Variants in TENM4 observed in about 807,000 individuals in gnomAD.
The protein encoded by TENM4 is teneurin transmembrane protein 4.
In TENM4, 82 loss-of-function variants were observed where a neutral mutation model predicts 243.3. That is an observed-to-expected ratio of 0.34 (90% confidence interval 0.28 to 0.40). TENM4 has a LOEUF of 0.40. Among genes scored for constraint, TENM4 ranks in the 10% least tolerant of loss-of-function variants. TENM4 has a pLI of 1.00. For missense variants in TENM4, 3,138 were observed against 3,673.3 expected (o/e 0.85, Z 3.77); for synonymous variants, 1,412 against 1,456.3 (o/e 0.97, Z 0.69).
intron 3 of TENM4, among the ~76,000 whole-genome samples, chr11:79,161,127 C>T (rs377238147): frequency 5.3e-4 from 81 of 152,260 alleles, no homozygotes; most frequent in Middle Eastern, 6.8e-3. Flanking sequence ...CATCTCTATC[C>T]CCCTGGCTGA....
At chr11:79,425,026 T>C (rs981084100) in intron 1 of TENM4, among the ~76,000 whole-genome samples, 2 of 152,216 alleles carry the variant, frequency 1.3e-5, no homozygotes, top group Non-Finnish European at 2.9e-5. Context: ...AGTCTGACTC[T>C]TCAGCTGATA....
Position 78,943,846 on chromosome 11 carries a change from A to C in TENM4, c.494-40323T>G, listed in dbSNP as rs138521357. Among the ~76,000 whole-genome samples the C allele has an allele frequency of 2.6e-3, 391 of 152,324 alleles. 7 individuals are homozygous for C. Among genetic ancestry groups the C allele is most frequent in the Non-Finnish European group, 5.4e-4 (37 of 68,016 alleles). ...CTTAAAATGCTTCTATTTATTAAAG[A>C]TTCTATTTACCATGTATTTTAGTAA... is the stretch of plus-strand genomic sequence containing the variant. On this transcript the variant is annotated intron_variant, in intron 6 of 33. Transcript: ENST00000278550.
chr11:79,241,451 G>A (rs1057081721), intron 2 of TENM4, among the ~76,000 whole-genome samples: 1 of 152,090 alleles, frequency 6.6e-6, no homozygotes, highest in African/African-American at 2.4e-5. Context: ...TCGTCACTCT[G>A]AAGTTGGAGG....
intron 6 of TENM4, among the ~76,000 whole-genome samples, chr11:79,002,351 G>T (rs1364044710): frequency 6.6e-6 from 1 of 152,246 alleles, no homozygotes; most frequent in Non-Finnish European, 1.5e-5. Context: ...ATGTGCAAGT[G>T]AAATGGATCC....
intron 9 of TENM4, among the ~76,000 whole-genome samples, chr11:78,883,562 G>A (rs1046108490): frequency 2.0e-5 from 3 of 152,184 alleles, no homozygotes; most frequent in African/African-American, 7.2e-5. Context: ...ATGTAAAGCC[G>A]CTCCTCATTT....
intron 6 of TENM4, among the ~76,000 whole-genome samples, chr11:78,936,151 CAT>C: frequency 6.6e-6 from 1 of 152,254 alleles, no homozygotes; most frequent in Admixed American, 6.5e-5. Flanking sequence ...GCACCCAGCA[CAT>C]GTCAATAACT....
Position 78,856,112 on chromosome 11 carries a change from C to G in TENM4, c.1322G>C (p.Arg441Pro), listed in dbSNP as rs763923313. 1 of 1,551,614 alleles carries G rather than the reference C, an allele frequency of 6.4e-7. No individual in the cohort carries two copies. The highest frequency in any genetic ancestry group is 1.2e-5 in the South Asian group (1 of 84,050). The change falls in exon 11 of 34, where the codon CGA becomes CCA. Residue 441 changes from arginine to proline, a missense_variant. Arg to Pro is a moderately radical substitution (Grantham distance 103). Coordinates refer to ENST00000278550, the MANE Select transcript of TENM4 (RefSeq NM_001098816.3). ...GCCAGGAGGAATCTTCTGGGAAGCT[C>G]GCCTTCCCACATCAATTTCTCCAGA... ...IDSGEIDVGRRASQKIPPGTF... is the reference protein window; with the variant it reads ...IDSGEIDVGRPASQKIPPGTF...
At position 78,814,328 on chromosome 11, in the gene TENM4, G is replaced by A. The variant is rs1244986111; in HGVS notation, c.1749C>T (p.Cys583=). The stretch of plus-strand genomic sequence containing the variant: ...AGTCGGGGCCCAGGAAACCCAGGAA[G>A]CAGTGGCAGGTCCCAGAGATGCAGT... The part of the protein sequence containing the change: ...NGDCISGTCH[C]FLGFLGPDCG... The change falls in exon 13 of 34, where the codon TGC becomes TGT. Residue 583 remains cysteine (C), a synonymous_variant. Coordinates refer to ENST00000278550, the MANE Select transcript of TENM4 (RefSeq NM_001098816.3). 4 of 1,550,356 alleles carry A rather than the reference G, an allele frequency of 2.6e-6. No individual in the cohort carries two copies. The African/African-American group carries it at 4.1e-5, about 16-fold the overall frequency.
intron 3 of TENM4, among the ~76,000 whole-genome samples, chr11:79,172,666 CTTTT>C (rs71457503): frequency 3.6e-5 from 5 of 137,724 alleles, no homozygotes; most frequent in Admixed American, 1.5e-4. Flanking sequence ...TTTTCTGTTC[CTTTT>C]TTTTTTTTTT....
chr11:79,019,264 A>G (rs867558529), intron 6 of TENM4, among the ~76,000 whole-genome samples: 4 of 152,194 alleles, frequency 2.6e-5, no homozygotes, highest in South Asian at 2.1e-4. Flanking sequence ...GCAGCAAGGC[A>G]GAAGAAAAGA....
intron 1 of TENM4, among the ~76,000 whole-genome samples, chr11:79,302,492 A>G (rs1856564928): frequency 6.6e-6 from 1 of 152,250 alleles, no homozygotes; most frequent in Non-Finnish European, 1.5e-5. Flanking sequence ...TATCTAATAT[A>G]GTATACCAAA....
intron 28 of TENM4, among the ~76,000 whole-genome samples, chr11:78,700,860 G>C (rs1268256636): frequency 6.6e-6 from 1 of 152,068 alleles, no homozygotes; most frequent in Non-Finnish European, 1.5e-5. Flanking sequence ...TTCAGGCAGG[G>C]GCAAAGGGCT....
At chr11:79,024,866 C>T (rs1859034079) in intron 6 of TENM4, among the ~76,000 whole-genome samples, 1 of 152,236 alleles carries the variant, frequency 6.6e-6, no homozygotes, top group African/African-American at 2.4e-5. Context: ...AAGGGCCACA[C>T]ACCAGAAAGC....
chr11:79,090,579 G>T (rs1335534914), intron 4 of TENM4, among the ~76,000 whole-genome samples: 1 of 152,252 alleles, frequency 6.6e-6, no homozygotes, highest in African/African-American at 2.4e-5. Context: ...CCAAGGCACA[G>T]AGACGCTCAG....
intron 4 of TENM4, among the ~76,000 whole-genome samples, chr11:79,142,867 GAA>G (rs1490690485): frequency 6.6e-6 from 1 of 151,934 alleles, no homozygotes; most frequent in African/African-American, 2.4e-5. Context: ...AAGGTACCAA[GAA>G]CACACACTGG....
chr11:78,935,383 A>G (rs1046211078), intron 6 of TENM4, among the ~76,000 whole-genome samples: 19 of 152,324 alleles, frequency 1.2e-4, no homozygotes, highest in African/African-American at 4.1e-4. Context: ...CTAAACACCT[A>G]TTAAGTTCCA....
intron 3 of TENM4, among the ~76,000 whole-genome samples, chr11:79,210,218 G>A (rs1343561295): frequency 6.6e-6 from 1 of 152,176 alleles, no homozygotes; most frequent in East Asian, 1.9e-4. Flanking sequence ...TCGCCAGCCA[G>A]GATGAACAGG....
chr11:79,104,883 C>T (rs1861326309), intron 4 of TENM4, among the ~76,000 whole-genome samples: 1 of 152,198 alleles, frequency 6.6e-6, no homozygotes, highest in Non-Finnish European at 1.5e-5. Context: ...ATCCCTTGGG[C>T]AAATACTGTC....
intron 2 of TENM4, among the ~76,000 whole-genome samples, chr11:79,276,541 T>G (rs993054863): frequency 6.6e-6 from 1 of 152,178 alleles, no homozygotes; most frequent in Admixed American, 6.5e-5. Context: ...GCATGCATCT[T>G]TCTCCTAGCG....
Sources: gnomAD v4.1 joint callset for allele counts (sites outside exome capture counted in the v4.1 genomes callset) on GRCh38, gnomAD v4.1.1 for gene constraint, MANE v1.5 for transcripts, NCBI Gene and HGNC (gene_info 2026-07-23, HGNC 2026-07-21) for gene names.